Variants in HTT observed in about 807,000 individuals in gnomAD.
The protein encoded by HTT is huntington disease protein.
A neutral mutation model predicts 362.3 loss-of-function variants in HTT; 104 were observed. That is an observed-to-expected ratio of 0.29 (90% CI 0.24 to 0.34). The LOEUF (loss-of-function observed/expected upper bound fraction) is 0.34. HTT is among the 10% of genes least tolerant of loss of function. HTT has a pLI of 1.00. For missense variants in HTT, 3,301 were observed against 3,928.6 expected (o/e 0.84, Z 4.27); for synonymous variants, 1,577 against 1,548.7 (o/e 1.02, Z -0.43).
chr4:3,233,613 T>G (rs1290694112), intron 61 of HTT, among the ~76,000 whole-genome samples: 3 of 152,210 alleles, frequency 2.0e-5, no homozygotes, highest in Non-Finnish European at 2.9e-5. Flanking sequence ...CTCTCCCACG[T>G]GCCCATTCCT....
chr4:3,078,767 C>G (rs1359539441), intron 1 of HTT, among the ~76,000 whole-genome samples: 1 of 151,242 alleles, frequency 6.6e-6, no homozygotes, highest in Non-Finnish European at 1.5e-5. Flanking sequence ...CGGAGTCTTG[C>G]TCTGTCGCCC....
chr4:3,148,782 A>T (rs1251587487), intron 26 of HTT, among the ~76,000 whole-genome samples: 1 of 152,020 alleles, frequency 6.6e-6, no homozygotes, highest in Non-Finnish European at 1.5e-5. Context: ...TGGGTGACAG[A>T]GCGAGACTCC....
chr4:3,119,283 C>T (rs1715181277), intron 8 of HTT, among the ~76,000 whole-genome samples: 1 of 152,142 alleles, frequency 6.6e-6, no homozygotes, highest in Non-Finnish European at 1.5e-5. Flanking sequence ...AATTAGTAAC[C>T]ATCCATAGGA....
Position 3,239,878 on chromosome 4 carries a change from TG to T in HTT, c.9250del (p.Glu3084SerfsTer5). 6.4e-7 allele frequency: 1 copy of T among 1,565,250 alleles called. No individual in the cohort carries two copies. The highest frequency in any genetic ancestry group is 8.7e-7 in the Non-Finnish European group (1 of 1,153,930). On this transcript the variant is annotated frameshift_variant, in exon 67 of 67. Transcript: ENST00000355072. LOFTEE classifies it high-confidence loss of function. ...CATGTCATCAGCAGGATGGGCAAGC[TG>T]GAGCAGGTGGACGTGAACCTTTTCT... ...LPHVISRMGK[L>X]EQVDVNLFCL...
intron 6 of HTT, among the ~76,000 whole-genome samples, chr4:3,108,500 G>GT (rs1165634599): frequency 1.3e-5 from 2 of 152,226 alleles, no homozygotes; most frequent in Non-Finnish European, 2.9e-5. Context: ...CACAGCGCCA[G>GT]TTTGCCCATC....
rs1721653350 is a variant in HTT, at chr4:3,238,621, T to G, written c.9054+12T>G. On this transcript the variant is annotated intron_variant, in intron 65 of 66. Coordinates refer to ENST00000355072, the MANE Select transcript of HTT (RefSeq NM_001388492.1). ...CCGTGGTGTATAAGGTGAGGTTGCATGTGGGATGGGGATGGAGTGGGAAAG... is the reference window on the plus strand; with the variant it reads ...CCGTGGTGTATAAGGTGAGGTTGCAGGTGGGATGGGGATGGAGTGGGAAAG... 2 of 1,590,180 alleles carry G rather than the reference T, an allele frequency of 1.3e-6. No individual in the cohort carries two copies. Among genetic ancestry groups the G allele is most frequent in the African/African-American group, 1.3e-5 (1 of 74,426 alleles).
At chr4:3,208,307 A>C (rs1719968345) in intron 45 of HTT, among the ~76,000 whole-genome samples, 1 of 152,236 alleles carries the variant, frequency 6.6e-6, no homozygotes, top group Non-Finnish European at 1.5e-5. Flanking sequence ...AGGGAGATTA[A>C]AAGATTATAA....
chr4:3,216,470 C>T (rs1720404945), intron 51 of HTT, among the ~76,000 whole-genome samples: 1 of 152,234 alleles, frequency 6.6e-6, no homozygotes, highest in East Asian at 1.9e-4. Context: ...GTTAATCCCT[C>T]CATGTAAAGC....
chr4:3,104,649 T>C (rs1160089570), intron 4 of HTT, among the ~76,000 whole-genome samples: 5 of 151,930 alleles, frequency 3.3e-5, no homozygotes, highest in Non-Finnish European at 7.4e-5. Flanking sequence ...GTGTGGTGGC[T>C]CACACCTTAG....
chr4:3,114,120 AG>A (rs1714902309), intron 6 of HTT, among the ~76,000 whole-genome samples: 1 of 152,240 alleles, frequency 6.6e-6, no homozygotes, highest in African/African-American at 2.4e-5. Flanking sequence ...ATGGGAAACG[AG>A]GGGATGGGCC....
At chr4:3,111,334 C>T (rs898998377) in intron 6 of HTT, among the ~76,000 whole-genome samples, 1 of 152,044 alleles carries the variant, frequency 6.6e-6, no homozygotes, top group African/African-American at 2.4e-5. Context: ...GCTGGGATTA[C>T]AGGTGTGCAC....
intron 26 of HTT, among the ~76,000 whole-genome samples, chr4:3,153,833 A>G (rs1717015251): frequency 6.6e-6 from 1 of 152,014 alleles, no homozygotes; most frequent in African/African-American, 2.4e-5. Context: ...CTGAGGTGGG[A>G]GGATTGCTTG....
chr4:3,155,009 G>A (rs1197775436), intron 27 of HTT, among the ~76,000 whole-genome samples: 7 of 151,778 alleles, frequency 4.6e-5, no homozygotes, highest in African/African-American at 2.4e-5. Flanking sequence ...TACTGCTCTC[G>A]GTGGGCAGTG....
At chr4:3,084,574 C>T (rs1219171749) in intron 1 of HTT, among the ~76,000 whole-genome samples, 5 of 151,706 alleles carry the variant, frequency 3.3e-5, no homozygotes, top group African/African-American at 4.8e-5. Context: ...CCTGTAGTCC[C>T]AGCTACTTGG....
At chr4:3,173,759 C>G (rs1718103895) in intron 31 of HTT, among the ~76,000 whole-genome samples, 1 of 151,522 alleles carries the variant, frequency 6.6e-6, no homozygotes, top group Admixed American at 6.6e-5. Flanking sequence ...AGCTCTGCAT[C>G]CTGGGTTCAT....
In HTT at chr4:3,235,588, A is replaced by G. The variant is rs536481227; in HGVS notation, c.8595A>G (p.Gly2865=). ...AGATGTGTGGGGTGATGCTGTCTGG[A>G]AGTGAGGAGTCCACCCCCTCCATCA... ...IIQMCGVMLS[G]SEESTPSIIY... The change falls in exon 63 of 67, where the codon GGA becomes GGG. Residue 2865 remains glycine, a synonymous_variant. Coordinates refer to ENST00000355072, the MANE Select transcript of HTT (RefSeq NM_001388492.1). The G allele has an allele frequency of 6.2e-7, 1 of 1,613,814 alleles. No homozygotes were observed. The highest frequency in any genetic ancestry group is 8.5e-7 in the Non-Finnish European group (1 of 1,179,986).
chr4:3,130,986 TGC>T (rs1359958434), intron 14 of HTT, among the ~76,000 whole-genome samples: 1 of 152,098 alleles, frequency 6.6e-6, no homozygotes. Flanking sequence ...GCTTTGCTTC[TGC>T]AGCAGCCGTT....
intron 64 of HTT, among the ~76,000 whole-genome samples, chr4:3,237,293 C>T (rs1468917119): frequency 6.6e-6 from 1 of 152,172 alleles, no homozygotes; most frequent in African/African-American, 2.4e-5. Flanking sequence ...GGGCTGGTCT[C>T]GAACTCCTGA....
At chr4:3,195,654 C>T (rs1719215567) in intron 40 of HTT, among the ~76,000 whole-genome samples, 1 of 152,016 alleles carries the variant, frequency 6.6e-6, no homozygotes, top group Non-Finnish European at 1.5e-5. Flanking sequence ...GTAATGGTAG[C>T]TACTGTAACA....
Sources: gnomAD v4.1 joint callset for allele counts (sites outside exome capture counted in the v4.1 genomes callset) on GRCh38, gnomAD v4.1.1 for gene constraint, MANE v1.5 for transcripts, NCBI Gene and HGNC (gene_info 2026-07-23, HGNC 2026-07-21) for gene names.